The following SPATS1 variants were observed in gnomAD, a reference collection of about 807,000 sequenced individuals.
SPATS1 encodes spermatogenesis associated serine rich 1, also known as spermatogenesis-associated serine-rich protein 1.
A neutral mutation model predicts 33.6 loss-of-function variants in SPATS1; 23 were observed. The ratio of observed to expected loss-of-function variants is 0.68; its 90% confidence interval spans 0.49 to 0.97. SPATS1 has a LOEUF of 0.97. SPATS1 is among the 50% of genes least tolerant of loss of function. The probability of loss-of-function intolerance (pLI) is 0.00; values close to 1 mark genes in which losing one functional copy is unlikely to be tolerated. For missense variants in SPATS1, 327 were observed against 361.0 expected (o/e 0.91, Z 0.76); for synonymous variants, 131 against 125.6 (o/e 1.04, Z -0.29).
intron 3 of SPATS1, among the ~76,000 whole-genome samples, chr6:44,354,469 T>C: frequency 6.6e-6 from 1 of 152,278 alleles, no homozygotes; most frequent in South Asian, 2.1e-4. Flanking sequence ...ATAAAATATA[T>C]ATTTATTTTA....
chr6:44,344,219 G>C (rs542525966), intron 2 of SPATS1, among the ~76,000 whole-genome samples: 6 of 152,268 alleles, frequency 3.9e-5, no homozygotes, highest in African/African-American at 1.4e-4. Flanking sequence ...CCATGTTTTC[G>C]AGTTAGGGGT....
rs550269335 is a variant in SPATS1 at position 44,353,053 on chromosome 6, T to C, written c.287+180T>C. Among the ~76,000 whole-genome samples the C allele has an allele frequency of 8.1e-4, 123 of 152,304 alleles. 1 individual carries two copies. Among genetic ancestry groups the C allele is most frequent in the African/African-American group, 2.9e-3 (119 of 41,584 alleles). ...GTGAATCTGAGCAAATTACTTCACCTCCCTGGGCTTCAGTGTTCTTATCTG... is the reference window on the plus strand; with the variant it reads ...GTGAATCTGAGCAAATTACTTCACCCCCCTGGGCTTCAGTGTTCTTATCTG... On this transcript the variant is annotated intron_variant, in intron 3 of 8. Transcript: ENST00000674044.
At chr6:44,353,408 A>G (rs1405586466) in intron 3 of SPATS1, among the ~76,000 whole-genome samples, 1 of 152,076 alleles carries the variant, frequency 6.6e-6, no homozygotes, top group Admixed American at 6.6e-5. Flanking sequence ...GGATAGAGAC[A>G]GGGGTCTCTC....
At chr6:44,358,010 G>C (rs1303331281) in intron 3 of SPATS1, among the ~76,000 whole-genome samples, 1 of 152,106 alleles carries the variant, frequency 6.6e-6, no homozygotes, top group Non-Finnish European at 1.5e-5. Context: ...CAAGGTGTCA[G>C]GATAAGCAGA....
At chr6:44,369,580 A>G (rs1396097827) in intron 6 of SPATS1, among the ~76,000 whole-genome samples, 1 of 152,056 alleles carries the variant, frequency 6.6e-6, no homozygotes, top group African/African-American at 2.4e-5. Flanking sequence ...AAAATAATAT[A>G]AAATCTGTGG....
intron 3 of SPATS1, 25 bp from the exon 4 acceptor site, chr6:44,360,421 A>G: frequency 3.7e-6 from 6 of 1,613,882 alleles, no homozygotes; most frequent in Non-Finnish European, 5.1e-6. Context: ...AAGCACGTGG[A>G]AGAATCCTTC....
intron 7 of SPATS1, among the ~76,000 whole-genome samples, chr6:44,370,762 A>G (rs1789555456): frequency 1.3e-5 from 2 of 152,118 alleles, no homozygotes; most frequent in Non-Finnish European, 2.9e-5. Context: ...TGTCTTTATT[A>G]TGTTGCATTG....
At chr6:44,350,317 T>C (rs1343658921) in intron 2 of SPATS1, among the ~76,000 whole-genome samples, 1 of 152,138 alleles carries the variant, frequency 6.6e-6, no homozygotes, top group Non-Finnish European at 1.5e-5. Flanking sequence ...TACAGTGCAG[T>C]GATGGAACTA....
intron 2 of SPATS1, among the ~76,000 whole-genome samples, chr6:44,347,931 G>T (rs1200041838): frequency 1.3e-5 from 2 of 151,844 alleles, no homozygotes; most frequent in Non-Finnish European, 1.5e-5. Context: ...CATTTCTGGA[G>T]CTTAATTTCT....
chr6:44,347,086 A>T (rs74797788), intron 2 of SPATS1, among the ~76,000 whole-genome samples: 1 of 152,220 alleles, frequency 6.6e-6, no homozygotes, highest in Non-Finnish European at 1.5e-5. Flanking sequence ...GACATAGATG[A>T]AGCTGGAAAC....
At chr6:44,357,963 T>C (rs185149998) in intron 3 of SPATS1, among the ~76,000 whole-genome samples, 18 of 152,288 alleles carry the variant, frequency 1.2e-4, no homozygotes, top group African/African-American at 4.1e-4. Flanking sequence ...TTTTTGCTCT[T>C]GTGAAGAAGC....
intron 6 of SPATS1, among the ~76,000 whole-genome samples, chr6:44,369,109 G>A (rs1041108950): frequency 2.0e-5 from 3 of 151,980 alleles, no homozygotes; most frequent in East Asian, 1.9e-4. Flanking sequence ...TGTTAGCCAG[G>A]ATGGTCTTGA....
intron 4 of SPATS1, chr6:44,361,199 T>C (rs1174772053): frequency 3.0e-6 from 1 of 336,248 alleles, no homozygotes; most frequent in Non-Finnish European, 4.2e-6. Flanking sequence ...CAAGCACCCC[T>C]AGAGCTACTA....
intron 5 of SPATS1, among the ~76,000 whole-genome samples, chr6:44,364,723 T>A (rs973152887): frequency 2.6e-5 from 4 of 151,434 alleles, no homozygotes; most frequent in Non-Finnish European, 5.9e-5. Flanking sequence ...TCTTTCTTTC[T>A]TTTCTTTCTT....
chr6:44,346,025 T>C (rs934178135), intron 2 of SPATS1, among the ~76,000 whole-genome samples: 24 of 152,182 alleles, frequency 1.6e-4, no homozygotes, highest in Admixed American at 1.6e-3. Flanking sequence ...CAGTGTCTCA[T>C]GCCTGTAATC....
intron 2 of SPATS1, among the ~76,000 whole-genome samples, chr6:44,344,729 CCA>C (rs544485686): frequency 1.2e-4 from 18 of 152,192 alleles, no homozygotes; most frequent in African/African-American, 4.1e-4. Context: ...ATCCTGAATT[CCA>C]CAGATGGCAA....
rs1213737550 is a variant in SPATS1, at chr6:44,342,676, G to A, written c.-93G>A. ...GAACGCGCCTCTGTGGGAGAAGCAGGCGGCTGCGGTGTCCCTTTTGCCCTA... is the reference window on the plus strand; with the variant it reads ...GAACGCGCCTCTGTGGGAGAAGCAGACGGCTGCGGTGTCCCTTTTGCCCTA... On this transcript the variant is annotated 5_prime_UTR_variant, in exon 1 of 9. Transcript: ENST00000674044. 2.2e-6 allele frequency: 1 copy of A among 457,016 alleles called. No individual in the cohort carries two copies. Among genetic ancestry groups the A allele is most frequent in the East Asian group, 6.9e-5 (1 of 14,442 alleles). 28.3% of individuals were successfully genotyped at this position (457,016 alleles called of 1,614,324 possible). A position where few individuals can be genotyped will look rare whatever the true frequency, so the allele number is the denominator to read the frequency against.
chr6:44,379,462 G>A lies in SPATS1; in HGVS notation c.*2399G>A. Among the ~76,000 whole-genome samples the A allele has an allele frequency of 6.6e-6, 1 of 151,594 alleles. No homozygotes were observed. The highest frequency in any genetic ancestry group is 1.5e-5 in the Non-Finnish European group (1 of 67,882). ...AAAAATTAGCCAGGCATGGTGGTGG[G>A]CACCTATAGTCCCAGGACTGTACTA... On this transcript the variant is annotated 3_prime_UTR_variant, in exon 9 of 9. Transcript: ENST00000674044.
intron 7 of SPATS1, among the ~76,000 whole-genome samples, chr6:44,370,685 C>T (rs1234488427): frequency 6.6e-6 from 1 of 151,978 alleles, no homozygotes; most frequent in Non-Finnish European, 1.5e-5. Flanking sequence ...GGCATGTGTC[C>T]CAGGGTCTAA....
Sources: gnomAD v4.1 joint callset for allele counts (sites outside exome capture counted in the v4.1 genomes callset) on GRCh38, gnomAD v4.1.1 for gene constraint, MANE v1.5 for transcripts, NCBI Gene and HGNC (gene_info 2026-07-23, HGNC 2026-07-21) for gene names.